The following TNFRSF13B variants were observed in gnomAD, a reference collection of about 807,000 sequenced individuals.
TNFRSF13B encodes the protein TNF receptor superfamily member 13B, also known as tumor necrosis factor receptor superfamily member 13B.
Under a neutral mutation model 24.0 loss-of-function variants are expected in TNFRSF13B, and 34 were observed. The ratio of observed to expected loss-of-function variants is 1.41; its 90% CI spans 1.08 to 1.88. The LOEUF is 1.88. Among genes scored for constraint, TNFRSF13B ranks in the 40% most tolerant of loss-of-function variants. The probability of loss-of-function intolerance (pLI) is 0.00; values close to 1 mark genes in which losing one functional copy is unlikely to be tolerated. For missense variants in TNFRSF13B, 415 were observed against 380.8 expected, an observed-to-expected ratio of 1.09 and a Z score of -0.75; for synonymous variants, 173 against 150.3, an observed-to-expected ratio of 1.15 and a Z score of -1.10.
chr17:16,969,876 CA>C (rs2087731604), intron 1 of TNFRSF13B, among the ~76,000 whole-genome samples: 1 of 152,154 alleles, frequency 6.6e-6, no homozygotes, highest in Non-Finnish European at 1.5e-5. Context: ...CGATTCTCCC[CA>C]CTTTTGGGTT....
intron 1 of TNFRSF13B, among the ~76,000 whole-genome samples, chr17:16,953,625 CT>C (rs2087604972): frequency 6.6e-6 from 1 of 152,202 alleles, no homozygotes; most frequent in South Asian, 2.1e-4. Context: ...TGTGGGCGCT[CT>C]CTGCATGTCT....
At chr17:16,960,616 A>G (rs958107752) in intron 1 of TNFRSF13B, among the ~76,000 whole-genome samples, 5 of 152,210 alleles carry the variant, frequency 3.3e-5, no homozygotes, top group African/African-American at 1.2e-4. Flanking sequence ...AATTAACTCA[A>G]AATGGACTAA....
chr17:16,958,886 C>T (rs922009574), intron 1 of TNFRSF13B, among the ~76,000 whole-genome samples: 3 of 152,014 alleles, frequency 2.0e-5, no homozygotes, highest in African/African-American at 4.8e-5. Context: ...CAGTACCTCA[C>T]TTTCAATAAT....
At chr17:16,942,814 A>G (rs1248673907) in intron 3 of TNFRSF13B, among the ~76,000 whole-genome samples, 3 of 152,248 alleles carry the variant, frequency 2.0e-5, no homozygotes, top group South Asian at 4.1e-4. Context: ...GCAAGTGTTC[A>G]GAGACCACAC....
intron 3 of TNFRSF13B, among the ~76,000 whole-genome samples, chr17:16,942,218 G>A (rs2087516004): frequency 6.6e-6 from 1 of 152,144 alleles, no homozygotes; most frequent in Non-Finnish European, 1.5e-5. Context: ...TTTTACAGAT[G>A]ACAAAACTGA....
chr17:16,967,730 C>T (rs1467311036), intron 1 of TNFRSF13B, among the ~76,000 whole-genome samples: 21 of 111,236 alleles, frequency 1.9e-4, no homozygotes, highest in Admixed American at 1.4e-4. Flanking sequence ...CCAGCCTGGG[C>T]GACAGAGTGA....
At chr17:16,963,367 C>T (rs1466843176) in intron 1 of TNFRSF13B, among the ~76,000 whole-genome samples, 2 of 152,152 alleles carry the variant, frequency 1.3e-5, no homozygotes, top group Non-Finnish European at 2.9e-5. Flanking sequence ...CTCTTTTCCT[C>T]CTTGGTGGGG....
Position 16,948,986 on chromosome 17 carries a change from G to A in TNFRSF13B, c.200-3C>T. ...CTCCTTGCGGCAGCTGAGTGACCCT[G>A]GGAGAGAGAAATTCATGATACTGCT... On this transcript the variant is annotated splice_region_variant and splice_polypyrimidine_tract_variant and intron_variant, in intron 2 of 4. Transcript: ENST00000261652. The A allele has an allele frequency of 6.2e-7, 1 of 1,613,948 alleles. No homozygotes were observed. Among genetic ancestry groups the A allele is most frequent in the South Asian group, 1.1e-5 (1 of 91,032 alleles).
chr17:16,939,255 C>CCCTCTCTCCCTCTCTGTCTCTCTG lies in TNFRSF13B; in HGVS notation c.*268_*291dup, dbSNP rs1183609185. The CCCTCTCTCCCTCTCTGTCTCTCTG allele has an allele frequency of 7.8e-6, 3 of 385,972 alleles. No homozygotes were observed. Among genetic ancestry groups the CCCTCTCTCCCTCTCTGTCTCTCTG allele is most frequent in the East Asian group, 4.9e-5 (1 of 20,436 alleles). The allele number at this position is 385,972 out of a possible 1,614,324, so 23.9% of individuals were successfully genotyped here. A position where few individuals can be genotyped will look rare whatever the true frequency, so the allele number is the denominator to read the frequency against. ...GACCTCCTGCTCTATCTCTCTCTGT[C>CCCTCTCTCCCTCTCTGTCTCTCTG]CCTCTCTCCCTCTCTGTCTCTCTGC... On this transcript the variant is annotated 3_prime_UTR_variant, in exon 5 of 5. Coordinates refer to ENST00000261652, the MANE Select transcript of TNFRSF13B (RefSeq NM_012452.3).
chr17:16,941,353 C>G (rs2087508943), intron 3 of TNFRSF13B: 1 of 987,570 alleles, frequency 1.0e-6, no homozygotes, highest in Non-Finnish European at 1.2e-6. Flanking sequence ...CCCTATGACT[C>G]AGGACTTGTG....
chr17:16,969,197 ATCT>A (rs1212961842), intron 1 of TNFRSF13B, among the ~76,000 whole-genome samples: 1 of 152,262 alleles, frequency 6.6e-6, no homozygotes, highest in Non-Finnish European at 1.5e-5. Flanking sequence ...ACTTGTAGGT[ATCT>A]ATCTACTTAA....
intron 1 of TNFRSF13B, among the ~76,000 whole-genome samples, chr17:16,963,964 G>A (rs1033015904): frequency 3.9e-5 from 6 of 152,210 alleles, no homozygotes; most frequent in African/African-American, 1.4e-4. Flanking sequence ...GAGATAGGGT[G>A]TGTGCCCCGA....
chr17:16,972,010 C>T lies in TNFRSF13B; in HGVS notation c.61+5G>A, dbSNP rs374249932. On this transcript the variant is annotated splice_donor_5th_base_variant and intron_variant, in intron 1 of 4. Coordinates refer to ENST00000261652, the MANE Select transcript of TNFRSF13B (RefSeq NM_012452.3). ...GCCCTCCTGCCCTCCTGCCCGGCTA[C>T]TCACAGCGCTCCTCCTGGTCCACAC... 5.3e-5 allele frequency: 86 copies of T among 1,614,048 alleles called. No individual in the cohort carries two copies. The highest frequency in any genetic ancestry group is 6.9e-5 in the Non-Finnish European group (82 of 1,180,042).
At chr17:16,939,888 C>T in intron 4 of TNFRSF13B, 91 bp from the exon 5 acceptor site, 6 of 1,451,580 alleles carry the variant, frequency 4.1e-6, no homozygotes, top group South Asian at 1.4e-5. Flanking sequence ...TCCCCCGACC[C>T]AGGAGCTAAG....
intron 3 of TNFRSF13B, among the ~76,000 whole-genome samples, chr17:16,946,559 ATTATTT>A (rs141803335): frequency 6.1e-5 from 9 of 147,934 alleles, no homozygotes; most frequent in South Asian, 4.4e-4. Context: ...CTTATTTTTT[ATTATTT>A]TTATTTTTAT....
At position 16,948,254 on chromosome 17, in the gene TNFRSF13B, G is replaced by A. The variant is rs151069451; in HGVS notation, c.445+484C>T. ...ATTGGGTGCTATGCTCACCACCTGG[G>A]TGACAAGACCATTTGTACCTCAAAC... On this transcript the variant is annotated intron_variant, in intron 3 of 4. Coordinates refer to ENST00000261652, the MANE Select transcript of TNFRSF13B (RefSeq NM_012452.3). Among the ~76,000 whole-genome samples the A allele has an allele frequency of 2.0e-3, 302 of 152,222 alleles. 2 individuals are homozygous for A. Among genetic ancestry groups the A allele is most frequent in the African/African-American group, 6.8e-3 (283 of 41,524 alleles).
chr17:16,964,761 C>T (rs548153340), intron 1 of TNFRSF13B, among the ~76,000 whole-genome samples: 10 of 152,292 alleles, frequency 6.6e-5, no homozygotes, highest in Non-Finnish European at 1.5e-4. Flanking sequence ...ATAATTTTCA[C>T]CTCCTGCCAG....
At chr17:16,952,144 T>C (rs1480668283) in intron 2 of TNFRSF13B, among the ~76,000 whole-genome samples, 1 of 152,040 alleles carries the variant, frequency 6.6e-6, no homozygotes, top group Non-Finnish European at 1.5e-5. Flanking sequence ...CCCCTGACGT[T>C]TGGGCTGAGA....
At position 16,966,832 on chromosome 17, in the gene TNFRSF13B, C is replaced by CTTTTTTTTTTTTTT. The variant is rs796602708; in HGVS notation, c.61+5182_61+5183insAAAAAAAAAAAAAA. On this transcript the variant is annotated intron_variant, in intron 1 of 4. Transcript: ENST00000261652. ...TTGGTTTTTTTTGTTTTTTCTTTTTCTTTTTTCTTTTTTTTTTTTTTTTTG... is the reference window on the plus strand; with the variant it reads ...TTGGTTTTTTTTGTTTTTTCTTTTTCTTTTTTTTTTTTTTTTTTTTCTTTTTTTTTTTTTTTTTG... Among the ~76,000 whole-genome samples, 3 of 95,848 alleles carry CTTTTTTTTTTTTTT rather than the reference C, an allele frequency of 3.1e-5. 1 individual carries two copies. The highest frequency in any genetic ancestry group is 2.0e-5 in the Non-Finnish European group (1 of 50,676). The allele number at this position is 95,848 out of a possible 152,430, so 62.9% of individuals were successfully genotyped here.
Sources: gnomAD v4.1 joint callset for allele counts (sites outside exome capture counted in the v4.1 genomes callset) on GRCh38, gnomAD v4.1.1 for gene constraint, MANE v1.5 for transcripts, NCBI Gene and HGNC (gene_info 2026-07-23, HGNC 2026-07-21) for gene names.